The following POLR2G variants were observed in gnomAD, a reference collection of about 807,000 sequenced individuals.
POLR2G encodes the protein RNA polymerase II subunit G.
POLR2G carries 19 observed loss-of-function variants against 25.7 expected under a neutral mutation model. That is an observed-to-expected ratio of 0.74 (90% CI 0.52 to 1.08). The LOEUF (loss-of-function observed/expected upper bound fraction) is 1.08. POLR2G is among the 50% of genes least tolerant of loss of function. The pLI is 0.00. For missense variants in POLR2G, 123 were observed against 218.5 expected (o/e 0.56, Z 2.76); for synonymous variants, 79 against 76.0 (o/e 1.04, Z -0.21).
At position 62,761,915 on chromosome 11, in the gene POLR2G, A is replaced by C; in HGVS notation, c.122+11A>C. On this transcript the variant is annotated intron_variant, in intron 2 of 7. Transcript: ENST00000301788. ...GACCTGCACAGGGAAGTGAGTGTCG[A>C]GCTCACCGCACCGCCAGATCGTTCG... The C allele has an allele frequency of 6.4e-7, 1 of 1,565,842 alleles. No homozygotes were observed. The highest frequency in any genetic ancestry group is 8.8e-7 in the Non-Finnish European group (1 of 1,141,910).
At chr11:62,766,135 C>A in intron 6 of POLR2G, 108 bp from the exon 7 acceptor site, 1 of 975,780 alleles carries the variant, frequency 1.0e-6, no homozygotes, top group Non-Finnish European at 1.7e-6. Flanking sequence ...GTTCTGTGCT[C>A]TTCTGCCAGG....
Position 62,761,868 on chromosome 11 carries a change from A to G in POLR2G, c.86A>G (p.Lys29Arg), listed in dbSNP as rs1485501951. Residue 29 changes from lysine (K) to arginine (R), a missense_variant, in exon 2 of 8, where the codon AAG becomes AGG. Coordinates refer to ENST00000301788, the MANE Select transcript of POLR2G (RefSeq NM_002696.3). ...GPNLLNTVKQ[K>R]LFTEVEGTCT... Reference sequence around the variant, plus strand: ...AACTTGCTCAACACGGTGAAGCAGAAGCTCTTCACCGAGGTGGAGGGGACC... The same window carrying G: ...AACTTGCTCAACACGGTGAAGCAGAGGCTCTTCACCGAGGTGGAGGGGACC... The G allele has an allele frequency of 1.2e-6, 2 of 1,613,078 alleles. No homozygotes were observed. Among genetic ancestry groups the G allele is most frequent in the Non-Finnish European group, 1.7e-6 (2 of 1,179,734 alleles).
At chr11:62,763,104 C>T in intron 3 of POLR2G, 78 bp downstream of exon 3, 1 of 747,694 alleles carries the variant, frequency 1.3e-6, no homozygotes, top group South Asian at 2.8e-5. Context: ...CTTCATAACT[C>T]TGTGCCTTTG....
At chr11:62,766,119 CA>C in intron 6 of POLR2G, 123 bp from the exon 7 acceptor site, 1 of 865,736 alleles carries the variant, frequency 1.2e-6, no homozygotes, top group African/African-American at 1.6e-5. Flanking sequence ...CCCACAGTTT[CA>C]GGGGGTTCTG....
chr11:62,765,597 G>A (rs1373057532), intron 5 of POLR2G, 56 bp from the exon 6 acceptor site: 22 of 1,280,092 alleles, frequency 1.7e-5, no homozygotes, highest in Non-Finnish European at 2.2e-5. Flanking sequence ...AAGTGATTGT[G>A]ATGTAACTTC....
In POLR2G at chr11:62,762,942, C is replaced by T; in HGVS notation, c.198C>T (p.Val66=). 6.2e-7 allele frequency: 1 copy of T among 1,612,240 alleles called. No homozygotes were observed. Among genetic ancestry groups the T allele is most frequent in the Non-Finnish European group, 8.5e-7 (1 of 1,178,558 alleles). ...TGATCCAGCCAGGCCGAGGCTTTGT[C>T]CTTTATCCAGTTAAGTACAAGGCCA... ...AGVIQPGRGF[V]LYPVKYKAIV... Residue 66 remains valine, a synonymous_variant, in exon 3 of 8, where the codon GTC becomes GTT. Coordinates refer to ENST00000301788, the MANE Select transcript of POLR2G (RefSeq NM_002696.3).
rs553990308 is a variant in POLR2G at position 62,761,599 on chromosome 11, C to T, written c.-50C>T. On this transcript the variant is annotated 5_prime_UTR_variant, in exon 1 of 8. Transcript: ENST00000301788. ...GCGTCTAAGTGTTTCCGGTGGATTCCCAGGGACTGTCGGAGGTGTGGACTC... is the reference window on the plus strand; with the variant it reads ...GCGTCTAAGTGTTTCCGGTGGATTCTCAGGGACTGTCGGAGGTGTGGACTC... 15 of 1,571,830 alleles carry T rather than the reference C, an allele frequency of 9.5e-6. No individual in the cohort carries two copies. Among genetic ancestry groups the T allele is most frequent in the East Asian group, 2.3e-5 (1 of 43,584 alleles).
chr11:62,765,872 C>G, intron 6 of POLR2G, 148 bp downstream of exon 6: 2 of 616,636 alleles, frequency 3.2e-6, no homozygotes, highest in South Asian at 3.9e-5. Context: ...ACTGCAAGCT[C>G]TGCCTCCCGG....
In POLR2G at chr11:62,761,647, A is replaced by G. The variant is rs775284487; in HGVS notation, c.-2A>G. 1 of 1,611,444 alleles carries G rather than the reference A, an allele frequency of 6.2e-7. No homozygotes were observed. Among genetic ancestry groups the G allele is most frequent in the Non-Finnish European group, 8.5e-7 (1 of 1,178,338 alleles). ...CTCTGCCTGCCTACCTGGTCTGGGAAGATGTTCTACCATGTGAGCAGGGCT... is the reference window on the plus strand; with the variant it reads ...CTCTGCCTGCCTACCTGGTCTGGGAGGATGTTCTACCATGTGAGCAGGGCT... On this transcript the variant is annotated 5_prime_UTR_variant, in exon 1 of 8. Coordinates refer to ENST00000301788, the MANE Select transcript of POLR2G (RefSeq NM_002696.3).
At chr11:62,763,299 T>TG (rs979998995) in intron 3 of POLR2G, among the ~76,000 whole-genome samples, 1 of 144,502 alleles carries the variant, frequency 6.9e-6, no homozygotes, top group Non-Finnish European at 1.5e-5. Flanking sequence ...GGCCGGCTAT[T>TG]TTTTTTTTTT....
In POLR2G at chr11:62,766,545, G is replaced by A. The variant is rs2084116750; in HGVS notation, c.*38G>A. On this transcript the variant is annotated 3_prime_UTR_variant, in exon 8 of 8. Coordinates refer to ENST00000301788, the MANE Select transcript of POLR2G (RefSeq NM_002696.3). ...CCTACCCTTGGTCCTACTCTAGGAA[G>A]TGTGATTGTCACACTTATCATGTTG... 6.3e-7 allele frequency: 1 copy of A among 1,599,424 alleles called. No individual in the cohort carries two copies. Among genetic ancestry groups the A allele is most frequent in the Non-Finnish European group, 8.6e-7 (1 of 1,166,974 alleles).
intron 5 of POLR2G, 94 bp from the exon 6 acceptor site, chr11:62,765,559 C>A: frequency 9.2e-7 from 1 of 1,081,894 alleles, no homozygotes; most frequent in Non-Finnish European, 1.4e-6. Flanking sequence ...AAGTGATGTG[C>A]ATTCAATATG....
At chr11:62,766,300 G>A in intron 7 of POLR2G, 24 bp downstream of exon 7, 1 of 1,610,030 alleles carries the variant, frequency 6.2e-7, no homozygotes, top group South Asian at 1.1e-5. Context: ...CATAGGTGCT[G>A]GGGTTATTGC....
chr11:62,762,724 A>G (rs2134855061), intron 2 of POLR2G, 143 bp from the exon 3 acceptor site: 1 of 656,110 alleles, frequency 1.5e-6, no homozygotes, highest in South Asian at 1.7e-5. Context: ...TTTGGTCATT[A>G]AGCTCTCTGG....
At chr11:62,762,023 C>A in intron 2 of POLR2G, 119 bp downstream of exon 2, 2 of 711,910 alleles carry the variant, frequency 2.8e-6, no homozygotes, top group Non-Finnish European at 4.8e-6. Context: ...CCTCTCCTCT[C>A]TCAGGCAGCC....
At chr11:62,765,536 T>C (rs180939938) in intron 5 of POLR2G, 117 bp from the exon 6 acceptor site, 163 of 1,095,400 alleles carry the variant, frequency 1.5e-4, no homozygotes, top group Middle Eastern at 1.3e-3. Flanking sequence ...TTTATGACTT[T>C]ACGATGGTGT....
rs79528988 is a variant in POLR2G at position 62,763,550 on chromosome 11, T to C, written c.282+524T>C. 2.4e-3 allele frequency among the ~76,000 whole-genome samples: 368 copies of C among 152,166 alleles called. 23 individuals carry two copies. In the East Asian group the frequency reaches 0.066, roughly 27 times the overall value. On this transcript the variant is annotated intron_variant, in intron 3 of 7. Transcript: ENST00000301788. ...ACCTCGTGATCCACCCGCCTCGGCC[T>C]CCCAAAGTGCTGGGATTGCAGGCTT...
chr11:62,766,636 G>T lies in POLR2G; in HGVS notation c.*129G>T. On this transcript the variant is annotated 3_prime_UTR_variant, in exon 8 of 8. Transcript: ENST00000301788. ...GGCAACTCATCCCAGAAGGCATCTGGTGCTTCTTGTAGCTTAACTACTGCC... is the reference window on the plus strand; with the variant it reads ...GGCAACTCATCCCAGAAGGCATCTGTTGCTTCTTGTAGCTTAACTACTGCC... 1 of 774,450 alleles carries T rather than the reference G, an allele frequency of 1.3e-6. No homozygotes were observed. Among genetic ancestry groups the T allele is most frequent in the Non-Finnish European group, 2.2e-6 (1 of 452,142 alleles). 48.0% of individuals were successfully genotyped at this position (774,450 alleles called of 1,614,324 possible). A position where few individuals can be genotyped will look rare whatever the true frequency, so the allele number is the denominator to read the frequency against.
At chr11:62,764,652 C>T (rs747942304) in intron 3 of POLR2G, among the ~76,000 whole-genome samples, 1 of 151,718 alleles carries the variant, frequency 6.6e-6, no homozygotes, top group Non-Finnish European at 1.5e-5. Flanking sequence ...AAAAATTAGC[C>T]TAGCATGGTG....
Sources: allele counts gnomAD v4.1 joint callset (sites outside exome capture counted in the v4.1 genomes callset), GRCh38; gene constraint gnomAD v4.1.1; transcripts MANE v1.5; gene names NCBI Gene and HGNC (gene_info 2026-07-23, HGNC 2026-07-21).